Variants in RC3H2 observed in about 807,000 individuals in gnomAD.
The protein encoded by RC3H2 is ring finger and CCCH-type domains 2.
In RC3H2, 31 loss-of-function variants were observed where a neutral mutation model predicts 133.3. The observed-to-expected ratio is 0.23, with a 90% CI of 0.17 to 0.31. The LOEUF is 0.31. Ranked by LOEUF, RC3H2 falls within the 10% of genes least tolerant of loss-of-function variation. The pLI is 1.00. For synonymous variants in RC3H2, 517 were observed against 502.2 expected (o/e 1.03, Z -0.40); for missense variants, 1,175 against 1,437.2 (o/e 0.82, Z 2.95).
At chr9:122,892,778 T>C in intron 3 of RC3H2, 131 bp downstream of exon 3, 1 of 670,402 alleles carries the variant, frequency 1.5e-6, no homozygotes, top group Non-Finnish European at 2.6e-6. Flanking sequence ...TTTCTCAGTC[T>C]ATACATTTTT....
intron 4 of RC3H2, among the ~76,000 whole-genome samples, chr9:122,886,729 C>A (rs1437401927): frequency 2.6e-5 from 4 of 152,200 alleles, no homozygotes; most frequent in African/African-American, 9.7e-5. Context: ...TGGGTATAAA[C>A]AAGTATGTCC....
intron 9 of RC3H2, among the ~76,000 whole-genome samples, chr9:122,875,574 T>C (rs371657622): frequency 3.2e-4 from 49 of 152,328 alleles, no homozygotes; most frequent in Middle Eastern, 3.4e-3. Flanking sequence ...ATAAAGAAGT[T>C]TGTCAAGCTC....
At chr9:122,902,776 T>C (rs1588120819) in intron 1 of RC3H2, among the ~76,000 whole-genome samples, 1 of 149,130 alleles carries the variant, frequency 6.7e-6, no homozygotes, top group African/African-American at 2.5e-5. Context: ...TGCTTGAACC[T>C]GGAAGCAGAG....
Position 122,855,876 on chromosome 9 carries a change from G to T in RC3H2, c.2457C>A (p.Phe819Leu). Residue 819 changes from phenylalanine to leucine, a missense_variant and splice_region_variant, in exon 14 of 21, where the codon TTC becomes TTA. Transcript: ENST00000357244. ...ATTTTGTACCACTCACACTCTCTGAGAACTGGTTAAAAAAAAATAAATAAA... is the reference window on the plus strand; with the variant it reads ...ATTTTGTACCACTCACACTCTCTGATAACTGGTTAAAAAAAAATAAATAAA... Reference protein sequence around the residue: ...PLFSVDFRADFSESVSGTKFE... With the variant: ...PLFSVDFRADLSESVSGTKFE... 7 of 1,600,712 alleles carry T rather than the reference G, an allele frequency of 4.4e-6. No individual in the cohort carries two copies. Among genetic ancestry groups the T allele is most frequent in the Non-Finnish European group, 4.3e-6 (5 of 1,175,252 alleles).
At position 122,879,793 on chromosome 9, in the gene RC3H2, T is replaced by G; in HGVS notation, c.1174A>C (p.Ile392Leu). 1 of 1,613,670 alleles carries G rather than the reference T, an allele frequency of 6.2e-7. No homozygotes were observed. ...TGGCCTTTTCTACTATAATTTTGTA[T>G]GAAGTCCACAAGGCCATGAACTACT... is the stretch of plus-strand genomic sequence containing the variant. ...KTVVHGLVDF[I>L]QNYSRKGHET... is the part of the protein sequence containing the mutation. Residue 392 changes from isoleucine (I) to leucine (L), a missense_variant, in exon 8 of 21, where the codon ATA (isoleucine) becomes CTA (leucine). Ile to Leu is a conservative substitution (Grantham distance 5). Transcript: ENST00000357244.
At chr9:122,901,522 T>C (rs973713384) in intron 1 of RC3H2, among the ~76,000 whole-genome samples, 1 of 152,138 alleles carries the variant, frequency 6.6e-6, no homozygotes, top group Non-Finnish European at 1.5e-5. Context: ...AAATTTTACT[T>C]CTTAAATACA....
At chr9:122,855,968 G>A in intron 13 of RC3H2, 90 bp from the exon 14 acceptor site, 7 of 1,017,764 alleles carry the variant, frequency 6.9e-6, no homozygotes, top group Non-Finnish European at 8.2e-6. Context: ...ATAGAATTCA[G>A]AGGACTTCAT....
intron 4 of RC3H2, among the ~76,000 whole-genome samples, chr9:122,885,491 G>C (rs1200628902): frequency 6.6e-6 from 1 of 152,150 alleles, no homozygotes; most frequent in Admixed American, 6.6e-5. Flanking sequence ...GAGAAGTTAA[G>C]TGATTAAACC....
intron 9 of RC3H2, chr9:122,875,270 T>A (rs1421788130): frequency 6.4e-7 from 1 of 1,550,980 alleles, no homozygotes; most frequent in Admixed American, 2.0e-5. Context: ...CTTCTCTCTA[T>A]CACAATGCTG....
intron 4 of RC3H2, among the ~76,000 whole-genome samples, chr9:122,886,628 T>TA (rs1831925361): frequency 6.6e-6 from 1 of 152,186 alleles, no homozygotes; most frequent in Non-Finnish European, 1.5e-5. Context: ...GTTCCGAAGT[T>TA]ACAGTGGGCT....
At chr9:122,853,917 AT>A in intron 18 of RC3H2, 34 bp downstream of exon 18, 1 of 1,614,258 alleles carries the variant, frequency 6.2e-7, no homozygotes, top group Non-Finnish European at 8.5e-7. Flanking sequence ...AAACAAATAC[AT>A]TAAGCATGAA....
chr9:122,884,069 C>T (rs1335351719), intron 4 of RC3H2, among the ~76,000 whole-genome samples: 8 of 152,152 alleles, frequency 5.3e-5, no homozygotes, highest in Non-Finnish European at 7.4e-5. Context: ...CCAAGGCGGG[C>T]GGATCACCAG....
At chr9:122,890,145 A>T in intron 4 of RC3H2, 167 bp downstream of exon 4, 1 of 649,836 alleles carries the variant, frequency 1.5e-6, no homozygotes, top group Non-Finnish European at 2.7e-6. Flanking sequence ...TGTCTCAAAC[A>T]AAACAAAACA....
chr9:122,852,535 G>A (rs1415017054), intron 18 of RC3H2, among the ~76,000 whole-genome samples: 1 of 147,258 alleles, frequency 6.8e-6, no homozygotes, highest in Non-Finnish European at 1.5e-5. Flanking sequence ...AGGGAGGTGG[G>A]GGGGTCAGCC....
chr9:122,866,267 G>C (rs150059221), intron 9 of RC3H2, among the ~76,000 whole-genome samples: 5 of 152,016 alleles, frequency 3.3e-5, no homozygotes, highest in Non-Finnish European at 7.4e-5. Context: ...ACTAAGTTTT[G>C]AGTTTTATTT....
chr9:122,863,559 A>T (rs1830534054), intron 10 of RC3H2, among the ~76,000 whole-genome samples: 1 of 152,130 alleles, frequency 6.6e-6, no homozygotes, highest in Non-Finnish European at 1.5e-5. Context: ...CAACTTCAGT[A>T]CTGTTTCATA....
At chr9:122,865,072 T>C (rs1004958987) in intron 10 of RC3H2, among the ~76,000 whole-genome samples, 75 of 151,406 alleles carry the variant, frequency 5.0e-4, no homozygotes, top group African/African-American at 1.7e-3. Flanking sequence ...AAATAAGGTG[T>C]GAAAAAAAAA....
intron 2 of RC3H2, among the ~76,000 whole-genome samples, chr9:122,896,810 G>A (rs1375767215): frequency 6.6e-6 from 1 of 151,872 alleles, no homozygotes; most frequent in Admixed American, 6.6e-5. Flanking sequence ...ATCACCTGAC[G>A]TCAGGAGCTC....
chr9:122,876,872 G>T (rs554892973), intron 9 of RC3H2, among the ~76,000 whole-genome samples: 1 of 152,098 alleles, frequency 6.6e-6, no homozygotes, highest in African/African-American at 2.4e-5. Context: ...ACCAAAAGCC[G>T]TAAAAAGGAT....
Sources: gnomAD v4.1 joint callset for allele counts (sites outside exome capture counted in the v4.1 genomes callset) on GRCh38, gnomAD v4.1.1 for gene constraint, MANE v1.5 for transcripts, NCBI Gene and HGNC (gene_info 2026-07-23, HGNC 2026-07-21) for gene names.